PPP1R36: variants seen among roughly 807,000 people sequenced by gnomAD.
PPP1R36 encodes the protein chromosome 14 open reading frame 50.
PPP1R36 carries 47 observed loss-of-function variants against 53.4 expected under a neutral mutation model. The observed-to-expected ratio is 0.88, with a 90% CI of 0.70 to 1.12. The LOEUF (loss-of-function observed/expected upper bound fraction) is 1.12. PPP1R36 is among the 50% of genes most tolerant of loss of function. PPP1R36 has a pLI of 0.00. For synonymous variants in PPP1R36, 153 were observed against 170.5 expected, an observed-to-expected ratio of 0.90 and a Z score of 0.80; for missense variants, 456 against 513.9, an observed-to-expected ratio of 0.89 and a Z score of 1.09.
At chr14:64,572,492 T>C (rs553982354) in intron 7 of PPP1R36, among the ~76,000 whole-genome samples, 5 of 152,312 alleles carry the variant, frequency 3.3e-5, no homozygotes, top group East Asian at 3.9e-4. Context: ...TAGGTTAGCT[T>C]CTCTTGAGTA....
chr14:64,584,570 T>C (rs572968218), intron 8 of PPP1R36, among the ~76,000 whole-genome samples: 2 of 152,330 alleles, frequency 1.3e-5, no homozygotes, highest in South Asian at 2.1e-4. Context: ...AAGTTTCCGC[T>C]GAGCTCTGTT....
chr14:64,565,826 C>T, intron 6 of PPP1R36, 134 bp downstream of exon 6: 1 of 686,666 alleles, frequency 1.5e-6, no homozygotes, highest in Non-Finnish European at 2.5e-6. Flanking sequence ...CCTCTCAGGA[C>T]CTAGTCACAA....
chr14:64,580,728 T>C (rs2080381893), intron 8 of PPP1R36, among the ~76,000 whole-genome samples: 1 of 152,128 alleles, frequency 6.6e-6, no homozygotes, highest in Admixed American at 6.6e-5. Flanking sequence ...CTGGAACAGG[T>C]TTTTGCCATG....
intron 3 of PPP1R36, among the ~76,000 whole-genome samples, chr14:64,557,609 T>A (rs2080166957): frequency 6.6e-6 from 1 of 152,230 alleles, no homozygotes; most frequent in Non-Finnish European, 1.5e-5. Flanking sequence ...TACATTACAA[T>A]TGGCTTGATA....
At chr14:64,572,246 TC>T (rs1566654610) in intron 7 of PPP1R36, among the ~76,000 whole-genome samples, 1 of 152,292 alleles carries the variant, frequency 6.6e-6, no homozygotes, top group African/African-American at 2.4e-5. Context: ...TCAGTTTTTT[TC>T]CCCAAAGGAT....
rs140512732 is a variant in PPP1R36, at chr14:64,587,239, C to A, written c.757C>A (p.Arg253Ser). ...ATATGTGGCTTGGATTGTCTTCCGA[C>A]GTCAACACTTGACAGAGATTGAAGA... ...CTYVAWIVFR[R>S]QHLTEIEEEV... The change falls in exon 10 of 12, where the codon CGT (arginine) becomes AGT (serine). Residue 253 changes from arginine to serine, a missense_variant. Physicochemically the swap from Arg to Ser is moderately radical, Grantham distance 110. Transcript: ENST00000298705. The A allele has an allele frequency of 2.1e-5, 34 of 1,613,090 alleles. 1 individual carries two copies. Among genetic ancestry groups the A allele is most frequent in the Non-Finnish European group, 2.8e-5 (33 of 1,179,498 alleles).
chr14:64,587,226 G>A lies in PPP1R36; in HGVS notation c.744G>A (p.Trp248Ter). Residue 248 changes from tryptophan to a stop codon, truncating the protein, a stop_gained, in exon 10 of 12, where the codon TGG (tryptophan) becomes TGA (stop). Transcript: ENST00000298705. LOFTEE classifies it high-confidence loss of function. ...SFYTFCTYVA[W>*]IVFRRQHLTE... Reference sequence around the variant, plus strand: ...ATACTTTCTGTACATATGTGGCTTGGATTGTCTTCCGACGTCAACACTTGA... The same window carrying A: ...ATACTTTCTGTACATATGTGGCTTGAATTGTCTTCCGACGTCAACACTTGA... The A allele has an allele frequency of 6.2e-7, 1 of 1,612,802 alleles. No individual in the cohort carries two copies. The highest frequency in any genetic ancestry group is 8.5e-7 in the Non-Finnish European group (1 of 1,179,482).
At chr14:64,555,245 A>G (rs180930783) in intron 3 of PPP1R36, among the ~76,000 whole-genome samples, 1 of 152,368 alleles carries the variant, frequency 6.6e-6, no homozygotes, top group Admixed American at 6.5e-5. Context: ...TTCCATTTAC[A>G]AAATACAGTA....
At chr14:64,580,019 G>A (rs1032649044) in intron 8 of PPP1R36, among the ~76,000 whole-genome samples, 1 of 152,094 alleles carries the variant, frequency 6.6e-6, no homozygotes, top group African/African-American at 2.4e-5. Context: ...AATGATTTTG[G>A]CCAGGCACAG....
intron 8 of PPP1R36, among the ~76,000 whole-genome samples, chr14:64,575,807 C>A (rs1049490563): frequency 6.6e-6 from 1 of 151,956 alleles, no homozygotes; most frequent in Non-Finnish European, 1.5e-5. Flanking sequence ...CCCGCCACCA[C>A]GCCCAGCTAA....
intron 8 of PPP1R36, among the ~76,000 whole-genome samples, chr14:64,583,342 G>GTAAAT (rs1432650980): frequency 2.0e-5 from 3 of 152,054 alleles, no homozygotes; most frequent in Non-Finnish European, 4.4e-5. Flanking sequence ...CCAGCCAGAA[G>GTAAAT]TAAATTTGTA....
chr14:64,555,266 G>A (rs1048553299), intron 3 of PPP1R36, among the ~76,000 whole-genome samples: 2 of 152,134 alleles, frequency 1.3e-5, no homozygotes, highest in African/African-American at 2.4e-5. Context: ...ATTGTCTATC[G>A]CTGAAAATTT....
intron 8 of PPP1R36, among the ~76,000 whole-genome samples, chr14:64,579,402 A>G (rs556151851): frequency 2.2e-4 from 34 of 152,340 alleles, no homozygotes; most frequent in African/African-American, 7.7e-4. Context: ...GGGATGTTTC[A>G]GCATCAAAAA....
chr14:64,551,752 C>T (rs752509761), intron 2 of PPP1R36: 8 of 444,918 alleles, frequency 1.8e-5, no homozygotes, highest in Non-Finnish European at 3.6e-5. Context: ...TTCATGTACT[C>T]GCTGTCTCCC....
chr14:64,573,504 A>G (rs2080318740), intron 7 of PPP1R36, among the ~76,000 whole-genome samples: 1 of 152,234 alleles, frequency 6.6e-6, no homozygotes, highest in Non-Finnish European at 1.5e-5. Context: ...ATAGCAGGAA[A>G]GTAGGCTGCT....
intron 8 of PPP1R36, among the ~76,000 whole-genome samples, chr14:64,580,648 C>T (rs147371520): frequency 2.6e-5 from 4 of 152,220 alleles, no homozygotes; most frequent in African/African-American, 4.8e-5. Context: ...GAAGAATGAG[C>T]GCAGATCTCA....
chr14:64,589,269 C>T lies in PPP1R36; in HGVS notation c.1200C>T (p.Asn400=). The T allele has an allele frequency of 6.2e-7, 1 of 1,613,950 alleles. No homozygotes were observed. The highest frequency in any genetic ancestry group is 8.5e-7 in the Non-Finnish European group (1 of 1,179,836). The part of the protein sequence containing the change: ...GRYPSLMENN[N]MRIQDTLDLV... ...ATCCTTCCTTGATGGAAAACAATAACATGAGGATTCAGGATACACTGGACT... is the reference window on the plus strand; with the variant it reads ...ATCCTTCCTTGATGGAAAACAATAATATGAGGATTCAGGATACACTGGACT... Residue 400 remains asparagine, a synonymous_variant, in exon 12 of 12, where the codon AAC becomes AAT. Transcript: ENST00000298705.
chr14:64,553,977 A>G (rs903171659), intron 3 of PPP1R36, among the ~76,000 whole-genome samples: 6 of 151,916 alleles, frequency 3.9e-5, no homozygotes, highest in African/African-American at 1.2e-4. Context: ...TGTTTAAGTA[A>G]CTCAATGTGG....
At chr14:64,553,760 TA>T (rs1203883064) in intron 3 of PPP1R36, among the ~76,000 whole-genome samples, 1 of 141,380 alleles carries the variant, frequency 7.1e-6, no homozygotes, top group Non-Finnish European at 1.5e-5. Flanking sequence ...ATATACATAT[TA>T]AAAAAATTCA....
Sources: allele counts gnomAD v4.1 joint callset (sites outside exome capture counted in the v4.1 genomes callset), GRCh38; gene constraint gnomAD v4.1.1; transcripts MANE v1.5; gene names NCBI Gene and HGNC (gene_info 2026-07-23, HGNC 2026-07-21).